RBFOX1: variants seen among roughly 807,000 people sequenced by gnomAD.
RBFOX1 encodes RNA binding protein fox-1 homolog 1.
Under a neutral mutation model 57.7 loss-of-function variants are expected in RBFOX1, and 8 were observed. The observed-to-expected ratio is 0.14, with a 90% CI of 0.08 to 0.25. The LOEUF (loss-of-function observed/expected upper bound fraction) is 0.25. Ranked by LOEUF, RBFOX1 falls within the 10% of genes least tolerant of loss-of-function variation. The pLI is 1.00. For synonymous variants in RBFOX1, 326 were observed against 222.4 expected (o/e 1.47, Z -4.15); for missense variants, 611 against 548.5 (o/e 1.11, Z -1.14).
At chr16:5,388,918 G>A (rs1003590533) in intron 1 of RBFOX1, among the ~76,000 whole-genome samples, 3 of 151,304 alleles carry the variant, frequency 2.0e-5, no homozygotes, top group Non-Finnish European at 1.5e-5. Context: ...GGGGCCGGGC[G>A]CGGTGGCTCA....
chr16:6,722,345 C>T (rs914452781), intron 3 of RBFOX1, among the ~76,000 whole-genome samples: 20 of 152,150 alleles, frequency 1.3e-4, no homozygotes, highest in Non-Finnish European at 1.8e-4. Flanking sequence ...TTTGTTTTGG[C>T]GGTAGCCTTT....
rs944647215 is a variant in RBFOX1, at chr16:6,955,842, A to C, written c.-15-96215A>C. Among the ~76,000 whole-genome samples, 3 of 151,940 alleles carry C rather than the reference A, an allele frequency of 2.0e-5. No individual in the cohort carries two copies. The South Asian group carries it at 6.2e-4, about 32-fold the overall frequency. ...TGCCTCAGCCTCCTGAGTTGCTGGG[A>C]TTATAGATGCATGCCACCATGCTCA... On this transcript the variant is annotated intron_variant, in intron 3 of 15. Transcript: ENST00000550418.
At chr16:6,932,733 G>A (rs910023954) in intron 3 of RBFOX1, among the ~76,000 whole-genome samples, 1 of 152,132 alleles carries the variant, frequency 6.6e-6, no homozygotes, top group African/African-American at 2.4e-5. Context: ...TTTTTGAGTT[G>A]TGTGAAATAA....
intron 5 of RBFOX1, among the ~76,000 whole-genome samples, chr16:7,548,152 C>G (rs1471493533): frequency 6.6e-6 from 1 of 152,088 alleles, no homozygotes; most frequent in Non-Finnish European, 1.5e-5. Context: ...ACGTCATATT[C>G]TTTCTTACTC....
chr16:6,679,170 G>A (rs561435060), intron 3 of RBFOX1, among the ~76,000 whole-genome samples: 1 of 152,074 alleles, frequency 6.6e-6, no homozygotes, highest in Admixed American at 6.5e-5. Context: ...CACCCATTCA[G>A]TCTGAGTCTC....
chr16:6,177,807 A>G (rs576204663), intron 1 of RBFOX1, among the ~76,000 whole-genome samples: 3 of 152,116 alleles, frequency 2.0e-5, no homozygotes, highest in Admixed American at 2.0e-4. Flanking sequence ...GACACTGCTC[A>G]CAGGCAAAAT....
At chr16:7,190,071 A>C (rs1322282887) in intron 4 of RBFOX1, among the ~76,000 whole-genome samples, 1 of 152,216 alleles carries the variant, frequency 6.6e-6, no homozygotes, top group Non-Finnish European at 1.5e-5. Flanking sequence ...ATTTAAAATA[A>C]AAATCTTGGC....
intron 3 of RBFOX1, among the ~76,000 whole-genome samples, chr16:5,642,491 C>T (rs1029833873): frequency 3.3e-5 from 5 of 152,296 alleles, no homozygotes; most frequent in Admixed American, 3.3e-4. Context: ...TGTTTGGGAA[C>T]GTCGCTCTTA....
intron 4 of RBFOX1, among the ~76,000 whole-genome samples, chr16:7,192,164 C>G (rs564466324): frequency 6.6e-6 from 1 of 152,202 alleles, no homozygotes; most frequent in Non-Finnish European, 1.5e-5. Context: ...AAGGAATTCG[C>G]AATAGCGGTT....
chr16:6,857,770 C>G (rs1254435731), intron 3 of RBFOX1, among the ~76,000 whole-genome samples: 4 of 152,138 alleles, frequency 2.6e-5, no homozygotes, highest in Non-Finnish European at 2.9e-5. Flanking sequence ...GAATTTTGTT[C>G]TGTCAGCACT....
At chr16:6,650,851 C>T (rs950802940) in intron 2 of RBFOX1, among the ~76,000 whole-genome samples, 3 of 152,134 alleles carry the variant, frequency 2.0e-5, no homozygotes, top group Non-Finnish European at 4.4e-5. Context: ...ATCAACATTT[C>T]TGTAGACTTA....
chr16:7,004,757 C>T lies in RBFOX1; in HGVS notation c.-15-47300C>T, dbSNP rs142949541. ...GAAAGGAGAAGTAGCTGTGAGACACCAAGGATTGGCTGTACCAGATTAAGA... is the reference window on the plus strand; with the variant it reads ...GAAAGGAGAAGTAGCTGTGAGACACTAAGGATTGGCTGTACCAGATTAAGA... On this transcript the variant is annotated intron_variant, in intron 3 of 15. Coordinates refer to ENST00000550418, the MANE Select transcript of RBFOX1 (RefSeq NM_018723.4). Among the ~76,000 whole-genome samples, 380 of 152,232 alleles carry T rather than the reference C, an allele frequency of 2.5e-3. 3 individuals carry two copies. The highest frequency in any genetic ancestry group is 8.7e-3 in the African/African-American group (363 of 41,544).
chr16:7,026,004 T>A (rs1266511457), intron 3 of RBFOX1, among the ~76,000 whole-genome samples: 1 of 152,100 alleles, frequency 6.6e-6, no homozygotes, highest in East Asian at 1.9e-4. Context: ...CATACTGGGT[T>A]TGGGATCAGA....
chr16:5,438,782 C>A (rs1166383403), intron 1 of RBFOX1, among the ~76,000 whole-genome samples: 5 of 152,142 alleles, frequency 3.3e-5, no homozygotes, highest in Admixed American at 3.3e-4. Flanking sequence ...GCTGTTGACT[C>A]ATCCGTCCTG....
chr16:6,991,022 C>T (rs998680205), intron 3 of RBFOX1, among the ~76,000 whole-genome samples: 8 of 151,304 alleles, frequency 5.3e-5, no homozygotes, highest in Middle Eastern at 6.8e-3. Context: ...CTATTTCTGG[C>T]CAGGCGTGGT....
intron 3 of RBFOX1, among the ~76,000 whole-genome samples, chr16:6,852,857 G>T (rs1296327875): frequency 6.6e-6 from 1 of 151,426 alleles, no homozygotes; most frequent in Non-Finnish European, 1.5e-5. Flanking sequence ...GCTGGGAACT[G>T]CTGTCCAGGT....
chr16:7,684,232 T>C (rs1033083419), intron 14 of RBFOX1, among the ~76,000 whole-genome samples: 2 of 152,070 alleles, frequency 1.3e-5, no homozygotes, highest in African/African-American at 4.8e-5. Context: ...GCTTCCTTGG[T>C]GTAAATCACA....
At chr16:7,371,484 T>A (rs1009552735) in intron 4 of RBFOX1, among the ~76,000 whole-genome samples, 1 of 152,176 alleles carries the variant, frequency 6.6e-6, no homozygotes. Context: ...GTGCGGTGGC[T>A]CACGCCTGTA....
intron 5 of RBFOX1, among the ~76,000 whole-genome samples, chr16:7,574,449 A>C (rs562777211): frequency 5.3e-5 from 8 of 152,288 alleles, no homozygotes; most frequent in African/African-American, 1.4e-4. Context: ...CTGGGTCCCA[A>C]AACCTCAAAA....
Sources: allele counts gnomAD v4.1 joint callset (sites outside exome capture counted in the v4.1 genomes callset), GRCh38; gene constraint gnomAD v4.1.1; transcripts MANE v1.5; gene names NCBI Gene and HGNC (gene_info 2026-07-23, HGNC 2026-07-21).